Variants in PRRC2B observed in about 807,000 individuals in gnomAD.
PRRC2B encodes proline rich coiled-coil 2B, also known as protein PRRC2B.
Under a neutral mutation model 242.3 loss-of-function variants are expected in PRRC2B, and 68 were observed. That is an observed-to-expected ratio of 0.28 (90% CI 0.23 to 0.34). PRRC2B has a LOEUF of 0.34. Among genes scored for constraint, PRRC2B ranks in the 10% least tolerant of loss-of-function variants. The probability of loss-of-function intolerance (pLI) is 1.00; values close to 1 mark genes in which losing one functional copy is unlikely to be tolerated. For synonymous variants in PRRC2B, 1,228 were observed against 1,173.6 expected (o/e 1.05, Z -0.95); for missense variants, 2,835 against 2,954.8 (o/e 0.96, Z 0.94).
intron 1 of PRRC2B, among the ~76,000 whole-genome samples, chr9:131,421,216 T>A (rs2966350): frequency 2.6e-5 from 4 of 152,034 alleles, no homozygotes; most frequent in African/African-American, 4.8e-5. Flanking sequence ...TGGAGTCTCC[T>A]GTCTCCATGT....
In PRRC2B at chr9:131,475,788, T is replaced by C; in HGVS notation, c.3659T>C (p.Val1220Ala). Residue 1220 changes from valine to alanine, a missense_variant, in exon 16 of 32, where the codon GTC becomes GCC. Transcript: ENST00000683519. ...SNCGYGRRTF[V>A]SKESPHWQSK... is the part of the protein sequence containing the mutation. ...TGCGGGTATGGACGGAGAACCTTCG[T>C]CTCCAAAGAGTCACCCCACTGGCAG... The C allele has an allele frequency of 6.2e-7, 1 of 1,613,240 alleles. No individual in the cohort carries two copies. The highest frequency in any genetic ancestry group is 1.3e-5 in the African/African-American group (1 of 75,004).
chr9:131,388,239 C>CTTTT (rs536012324), intron 1 of PRRC2B, among the ~76,000 whole-genome samples: 2 of 121,124 alleles, frequency 1.7e-5, no homozygotes, highest in African/African-American at 5.9e-5. Context: ...TTTACTTTTA[C>CTTTT]TTTTTTTTTT....
chr9:131,374,615 G>T (rs2991205), intron 1 of PRRC2B, among the ~76,000 whole-genome samples: 45,037 of 151,454 alleles, frequency 0.3, 6,846 homozygotes, highest in African/African-American at 0.33. Flanking sequence ...AACCTCTGCC[G>T]CCTGGGTTCA....
At chr9:131,489,847 C>T (rs1944135389) in intron 28 of PRRC2B, among the ~76,000 whole-genome samples, 1 of 152,078 alleles carries the variant, frequency 6.6e-6, no homozygotes, top group Admixed American at 6.5e-5. Context: ...CGTAATCCCG[C>T]CCCCCACACC....
At position 131,432,677 on chromosome 9, in the gene PRRC2B, C is replaced by T. The variant is rs1838217531; in HGVS notation, c.176C>T (p.Pro59Leu). Residue 59 changes from proline (P) to leucine (L), a missense_variant, in exon 3 of 32, where the codon CCG becomes CTG. Transcript: ENST00000683519. ...GTTGCTGCAGCCCGGCGCATGCCAC[C>T]GCCTGCAAACCTGCCAAGCTTGAAG... is the stretch of plus-strand genomic sequence containing the variant. ...GKVAAARRMP[P>L]PANLPSLKSE... The T allele has an allele frequency of 6.2e-6, 10 of 1,614,036 alleles. No individual in the cohort carries two copies. The highest frequency in any genetic ancestry group is 2.2e-5 in the East Asian group (1 of 44,890).
At position 131,484,984 on chromosome 9, in the gene PRRC2B, A is replaced by G. The variant is rs1564300848; in HGVS notation, c.5602A>G (p.Ser1868Gly). The G allele has an allele frequency of 2.5e-6, 4 of 1,613,270 alleles. No individual in the cohort carries two copies. The African/African-American group carries it at 5.3e-5, about 22-fold the overall frequency. Residue 1868 changes from serine to glycine, a missense_variant, in exon 25 of 32, where the codon AGT becomes GGT. Physicochemically the swap from Ser to Gly is moderately conservative, Grantham distance 56. Transcript: ENST00000683519. ...SARKAWENSP[S>G]LPEQSSPGGA... ...GCGCAAGGCTTGGGAAAACTCCCCC[A>G]GTTTGCCGGAGCAGAGCTCTCCAGG...
chr9:131,488,515 GCCTC>G (rs1393459976), intron 28 of PRRC2B, among the ~76,000 whole-genome samples: 2 of 152,170 alleles, frequency 1.3e-5, no homozygotes, highest in Admixed American at 6.5e-5. Flanking sequence ...GCCCGCCTTG[GCCTC>G]CCAAAGGGCT....
At chr9:131,395,032 G>A (rs1386453498) in intron 1 of PRRC2B, among the ~76,000 whole-genome samples, 1 of 151,690 alleles carries the variant, frequency 6.6e-6, no homozygotes, top group Non-Finnish European at 1.5e-5. Flanking sequence ...TTGAAACTGT[G>A]GGCCTCTGAA....
In PRRC2B at chr9:131,477,736, C is replaced by T. The variant is rs1265532148; in HGVS notation, c.4407-8C>T. Reference sequence around the variant, plus strand: ...GCTCTGGTTAACAAGATCCTCTTTCCCTTACAGATCCCCAGACGAGGCCTT... The same window carrying T: ...GCTCTGGTTAACAAGATCCTCTTTCTCTTACAGATCCCCAGACGAGGCCTT... On this transcript the variant is annotated splice_region_variant and splice_polypyrimidine_tract_variant and intron_variant, in intron 16 of 31. Coordinates refer to ENST00000683519, the MANE Select transcript of PRRC2B (RefSeq NM_013318.4). 7 of 1,574,278 alleles carry T rather than the reference C, an allele frequency of 4.4e-6. No homozygotes were observed. The highest frequency in any genetic ancestry group is 1.1e-5 in the South Asian group (1 of 89,938).
chr9:131,452,563 T>A (rs141328821), intron 9 of PRRC2B, among the ~76,000 whole-genome samples: 126 of 152,268 alleles, frequency 8.3e-4, no homozygotes, highest in African/African-American at 2.8e-3. Flanking sequence ...TGTAGTGATA[T>A]CTTTTAATTC....
intron 28 of PRRC2B, among the ~76,000 whole-genome samples, chr9:131,488,705 G>A (rs1344107889): frequency 6.6e-6 from 1 of 152,164 alleles, no homozygotes; most frequent in Non-Finnish European, 1.5e-5. Flanking sequence ...TTGTGTAGTT[G>A]TTGATGCTTC....
chr9:131,479,816 G>T (rs1394146439), intron 19 of PRRC2B, among the ~76,000 whole-genome samples: 5 of 152,124 alleles, frequency 3.3e-5, no homozygotes, highest in Admixed American at 3.3e-4. Context: ...TCTTAACATG[G>T]GGAAGGCTCT....
chr9:131,479,513 C>G, intron 19 of PRRC2B, 120 bp downstream of exon 19: 2 of 973,770 alleles, frequency 2.1e-6, no homozygotes, highest in Non-Finnish European at 3.0e-6. Flanking sequence ...GATGGAGTAC[C>G]TGTTTGCTGT....
intron 15 of PRRC2B, among the ~76,000 whole-genome samples, chr9:131,474,169 C>T (rs769015513): frequency 9.2e-5 from 14 of 152,122 alleles, no homozygotes; most frequent in Non-Finnish European, 1.6e-4. Flanking sequence ...GGGGGCACAC[C>T]GTACCCAGCC....
chr9:131,468,493 G>C (rs1943455591), intron 13 of PRRC2B, among the ~76,000 whole-genome samples: 1 of 151,798 alleles, frequency 6.6e-6, no homozygotes, highest in African/African-American at 2.4e-5. Flanking sequence ...CCTACTTTTT[G>C]TCCTAAAGAT....
intron 1 of PRRC2B, among the ~76,000 whole-genome samples, chr9:131,412,414 A>C (rs1306059846): frequency 6.6e-6 from 1 of 152,232 alleles, no homozygotes; most frequent in African/African-American, 2.4e-5. Context: ...TCCATGTGAC[A>C]GACTGAGCTC....
chr9:131,374,493 A>G (rs910267371), intron 1 of PRRC2B, among the ~76,000 whole-genome samples: 1 of 152,118 alleles, frequency 6.6e-6, no homozygotes, highest in African/African-American at 2.4e-5. Flanking sequence ...CAGTCTGTAT[A>G]ATGCATATTG....
chr9:131,459,295 C>T lies in PRRC2B; in HGVS notation c.1343C>T (p.Ala448Val), dbSNP rs371863600. The T allele has an allele frequency of 1.4e-5, 23 of 1,613,782 alleles. No homozygotes were observed. The highest frequency in any genetic ancestry group is 1.6e-4 in the Middle Eastern group (1 of 6,082). The change falls in exon 11 of 32, where the codon GCG becomes GTG. Residue 448 changes from alanine to valine, a missense_variant. Transcript: ENST00000683519. ...AVGASRVVRK[A>V]PDPQPPPRKL... ...GGTGCGTCCCGTGTGGTCCGAAAGGCGCCAGACCCTCAGCCACCGCCCAGG... is the reference window on the plus strand; with the variant it reads ...GGTGCGTCCCGTGTGGTCCGAAAGGTGCCAGACCCTCAGCCACCGCCCAGG...
intron 1 of PRRC2B, among the ~76,000 whole-genome samples, chr9:131,409,772 G>T (rs983880865): frequency 1.3e-5 from 2 of 152,150 alleles, no homozygotes; most frequent in African/African-American, 2.4e-5. Context: ...TAGTTCAATC[G>T]TCTGTCTCTG....
Sources: gnomAD v4.1 joint callset for allele counts (sites outside exome capture counted in the v4.1 genomes callset) on GRCh38, gnomAD v4.1.1 for gene constraint, MANE v1.5 for transcripts, NCBI Gene and HGNC (gene_info 2026-07-23, HGNC 2026-07-21) for gene names.